GSN: variants seen among roughly 807,000 people sequenced by gnomAD.
The protein encoded by GSN is actin-depolymerizing factor.
A neutral mutation model predicts 85.7 loss-of-function variants in GSN; 56 were observed. The ratio of observed to expected loss-of-function variants is 0.65; its 90% CI spans 0.53 to 0.82. GSN has a LOEUF of 0.82. Ranked by LOEUF, GSN falls within the 40% of genes least tolerant of loss-of-function variation. GSN has a pLI of 0.00. For missense variants in GSN, 857 were observed against 979.8 expected (o/e 0.87, Z 1.67); for synonymous variants, 373 against 399.1 (o/e 0.93, Z 0.78).
intron 2 of GSN, 54 bp from the exon 3 acceptor site, chr9:121,301,909 G>T: frequency 6.2e-7 from 1 of 1,612,644 alleles, no homozygotes; most frequent in Non-Finnish European, 8.5e-7. Context: ...CATGCCTGGG[G>T]TCTCTCCCTG....
upstream of GSN, chr9:121,268,039 C>G (rs1405744195): frequency 6.6e-6 from 1 of 151,944 alleles, no homozygotes; most frequent in African/African-American, 2.4e-5. Flanking sequence ...GCCCAGCAGC[C>G]GACGGGAGGG....
At chr9:121,319,125 C>G (rs1006157471) in intron 10 of GSN, among the ~76,000 whole-genome samples, 1 of 152,204 alleles carries the variant, frequency 6.6e-6, no homozygotes, top group Non-Finnish European at 1.5e-5. Context: ...TAGCCACAGA[C>G]CTGTGTGATC....
chr9:121,268,849 C>T (rs2055465338), intron 1 of GSN, among the ~76,000 whole-genome samples: 1 of 152,220 alleles, frequency 6.6e-6, no homozygotes, highest in Non-Finnish European at 1.5e-5. Context: ...CCCCTTCTCC[C>T]TGAGCCCCCA....
At chr9:121,249,137 A>G (rs2054761895) in intron 6 of GSN, among the ~76,000 whole-genome samples, 1 of 152,006 alleles carries the variant, frequency 6.6e-6, no homozygotes, top group Non-Finnish European at 1.5e-5. Context: ...GGACTTGGCA[A>G]CAGAGGTGCA....
At position 121,318,759 on chromosome 9, in the gene GSN, C is replaced by T; in HGVS notation, c.1070C>T (p.Ser357Phe). ...DPDQTDGLGL[S>F]YLSSHIANVE... is the part of the protein sequence containing the mutation. ...GACCAGACAGATGGCCTGGGCTTGT[C>T]CTACCTTTCCAGCCATATCGCCAAC... Residue 357 changes from serine (S) to phenylalanine (F), a missense_variant, in exon 10 of 18, where the codon TCC (serine) becomes TTC (phenylalanine). Coordinates refer to ENST00000432226, the MANE Select transcript of GSN (RefSeq NM_198252.3). This position sits in a 1 kb window ranked among gnomAD's most constrained non-coding sequence, Gnocchi z 4.3. 2 of 1,613,876 alleles carry T rather than the reference C, an allele frequency of 1.2e-6. No homozygotes were observed. The highest frequency in any genetic ancestry group is 1.7e-6 in the Non-Finnish European group (2 of 1,179,886).
rs955940803 is a variant in GSN at position 121,320,776 on chromosome 9, TC to T, written c.1192-489del. On this transcript the variant is annotated intron_variant, in intron 10 of 17. Transcript: ENST00000432226. ...AGAGCAGCTGCCACCTACAGAGCAG[TC>T]CCTTTGTGCCGGGCCCTGTGCTAGA... 9.5e-4 allele frequency among the ~76,000 whole-genome samples: 144 copies of T among 152,300 alleles called. 1 individual carries two copies. The highest frequency in any genetic ancestry group is 3.2e-3 in the African/African-American group (134 of 41,562).
intron 5 of GSN, among the ~76,000 whole-genome samples, chr9:121,233,321 C>T (rs1208882387): frequency 1.3e-5 from 2 of 152,030 alleles, no homozygotes; most frequent in African/African-American, 2.4e-5. Flanking sequence ...AAAAATTAGT[C>T]GGGCGTGGTA....
chr9:121,318,331 C>A lies in GSN; in HGVS notation c.887-75C>A. 1 of 1,207,318 alleles carries A rather than the reference C, an allele frequency of 8.3e-7. No homozygotes were observed. Among genetic ancestry groups the A allele is most frequent in the Non-Finnish European group, 1.2e-6 (1 of 809,082 alleles). The allele number at this position is 1,207,318 out of a possible 1,614,324, so 74.8% of individuals were successfully genotyped here. A position where few individuals can be genotyped will look rare whatever the true frequency, so the allele number is the denominator to read the frequency against. On this transcript the variant is annotated intron_variant, in intron 8 of 17. Coordinates refer to ENST00000432226, the MANE Select transcript of GSN (RefSeq NM_198252.3). This position sits in a 1 kb window ranked among gnomAD's most constrained non-coding sequence, Gnocchi z 4.3. ...GAGGGAAGTTTGGCAGCTCCTTCTC[C>A]TGGACTGTTAAAGGTCAGGATGCAG...
chr9:121,212,337 C>T (rs546217738), intron 4 of GSN, among the ~76,000 whole-genome samples: 1 of 152,290 alleles, frequency 6.6e-6, no homozygotes, highest in East Asian at 1.9e-4. Flanking sequence ...GCCTCAGTTT[C>T]CTCATCTGTA....
intron 1 of GSN, among the ~76,000 whole-genome samples, chr9:121,278,149 T>C (rs2056898329): frequency 1.3e-5 from 2 of 152,064 alleles, no homozygotes; most frequent in Admixed American, 6.6e-5. Context: ...TGGTGGGAAC[T>C]GCCCAGACAT....
intron 4 of GSN, among the ~76,000 whole-genome samples, chr9:121,225,012 T>A (rs1403591075): frequency 6.6e-6 from 1 of 151,964 alleles, no homozygotes; most frequent in African/African-American, 2.4e-5. Context: ...TGAGACGGGA[T>A]CTCCCTATGT....
At position 121,332,541 on chromosome 9, in the gene GSN, TG is replaced by T. The variant is rs750858951; in HGVS notation, c.2137del (p.Asp713MetfsTer83). On this transcript the variant is annotated frameshift_variant, in exon 18 of 18. Coordinates refer to ENST00000432226, the MANE Select transcript of GSN (RefSeq NM_198252.3). LOFTEE classifies it high-confidence loss of function. The surrounding 1 kb of genome is among the most constrained non-coding windows in gnomAD (Gnocchi z 4.8). ...CTCCTTTGTGGGCTGGTTCCTTGGC[TG>T]GGATGATGATTACTGGTCTGTGGAC... Reference protein sequence around the residue: ...PPSFVGWFLGWDDDYWSVDPL... With the variant: ...PPSFVGWFLGXDDDYWSVDPL... 3.1e-6 allele frequency: 5 copies of T among 1,613,946 alleles called. No individual in the cohort carries two copies. The highest frequency in any genetic ancestry group is 4.2e-6 in the Non-Finnish European group (5 of 1,179,982).
At chr9:121,287,622 C>A (rs749171871) in intron 2 of GSN, among the ~76,000 whole-genome samples, 3 of 151,988 alleles carry the variant, frequency 2.0e-5, no homozygotes, top group Admixed American at 2.0e-4. Context: ...CACTGACCCA[C>A]AGGGAGCGCC....
intron 2 of GSN, among the ~76,000 whole-genome samples, chr9:121,293,961 T>G (rs1181651052): frequency 1.6e-5 from 2 of 124,222 alleles, no homozygotes; most frequent in Non-Finnish European, 3.8e-5. Flanking sequence ...CAAAACAACT[T>G]GCTCAAAGCC....
intron 5 of GSN, among the ~76,000 whole-genome samples, chr9:121,240,928 C>G (rs1405676683): frequency 6.6e-6 from 1 of 152,174 alleles, no homozygotes; most frequent in South Asian, 2.1e-4. Context: ...AAAGAGCACT[C>G]TTGGTGAAAT....
chr9:121,239,880 C>G (rs991857326), intron 5 of GSN: 1 of 190,368 alleles, frequency 5.3e-6, no homozygotes, highest in Non-Finnish European at 1.1e-5. Context: ...TGGACAATAT[C>G]AGCGTCTATG....
intron 4 of GSN, chr9:121,310,170 C>A (rs1379970761): frequency 5.6e-6 from 1 of 179,284 alleles, no homozygotes; most frequent in African/African-American, 2.4e-5. Context: ...GGTGTATTCA[C>A]CATAGGATTT....
Position 121,321,408 on chromosome 9 carries a change from T to C in GSN, c.1325+7T>C, listed in dbSNP as rs762267031. ...GGCAGATAATCTATAACTGGTGAGG[T>C]TCTGGGGCCATTGGTGTGTGTCGTG... On this transcript the variant is annotated splice_region_variant and intron_variant, in intron 11 of 17. Transcript: ENST00000432226. 6.2e-7 allele frequency: 1 copy of C among 1,613,394 alleles called. No individual in the cohort carries two copies. Among genetic ancestry groups the C allele is most frequent in the Non-Finnish European group, 8.5e-7 (1 of 1,179,442 alleles).
upstream of GSN, among the ~76,000 whole-genome samples, chr9:121,264,900 C>T (rs112764797): frequency 1.7e-3 from 254 of 152,304 alleles, 1 homozygote; most frequent in African/African-American, 5.9e-3. Flanking sequence ...ACAAAGATTC[C>T]AGCTTGCTGC....
Sources: gnomAD v4.1 joint callset for allele counts (sites outside exome capture counted in the v4.1 genomes callset) on GRCh38, gnomAD v4.1.1 for gene constraint, Gnocchi (gnomAD v3.1) non-coding constraint, MANE v1.5 for transcripts, NCBI Gene and HGNC (gene_info 2026-07-23, HGNC 2026-07-21) for gene names.